The following CSMD1 variants were observed in gnomAD, a reference collection of about 807,000 sequenced individuals.
CSMD1 encodes the protein CUB and Sushi multiple domains 1, also known as CUB and sushi domain-containing protein 1.
In CSMD1, 213 loss-of-function variants were observed where a neutral mutation model predicts 417.5. The observed-to-expected ratio is 0.51, with a 90% CI of 0.46 to 0.57. CSMD1 has a LOEUF of 0.57. Ranked by LOEUF, CSMD1 falls within the 20% of genes least tolerant of loss-of-function variation. The pLI is 0.00. For missense variants in CSMD1, 6,923 were observed against 4,529.7 expected (o/e 1.53, Z -15.17); for synonymous variants, 2,862 against 1,736.8 (o/e 1.65, Z -16.11).
At chr8:3,105,174 T>C (rs1437490618) in intron 46 of CSMD1, among the ~76,000 whole-genome samples, 1 of 152,130 alleles carries the variant, frequency 6.6e-6, no homozygotes, top group East Asian at 1.9e-4. Context: ...TTTACAACAA[T>C]CTCAAAAATA....
chr8:4,002,533 C>T lies in CSMD1; in HGVS notation c.611-4423G>A, dbSNP rs1585113115. 2.0e-5 allele frequency among the ~76,000 whole-genome samples: 3 copies of T among 152,114 alleles called. No individual in the cohort carries two copies. The South Asian group carries it at 6.2e-4, about 32-fold the overall frequency. On this transcript the variant is annotated intron_variant, in intron 4 of 69. Coordinates refer to ENST00000635120, the MANE Select transcript of CSMD1 (RefSeq NM_033225.6). Reference sequence around the variant, plus strand: ...GCCACAGAGGAAACAGTTTTCAAAGCCCATTTCGACTGAGAAAAATTAATT... The same window carrying T: ...GCCACAGAGGAAACAGTTTTCAAAGTCCATTTCGACTGAGAAAAATTAATT...
intron 51 of CSMD1, among the ~76,000 whole-genome samples, chr8:3,020,997 C>T (rs919099602): frequency 2.6e-5 from 4 of 152,160 alleles, no homozygotes; most frequent in African/African-American, 7.2e-5. Context: ...GTGAACTTGT[C>T]CTTCAACTAT....
rs185957420 is a variant in CSMD1 at position 4,194,858 on chromosome 8, T to C, written c.416-162759A>G. Among the ~76,000 whole-genome samples the C allele has an allele frequency of 4.6e-4, 70 of 152,290 alleles. 1 individual carries two copies. The highest frequency in any genetic ancestry group is 1.7e-3 in the African/African-American group (69 of 41,540). ...TTTGTTTCAGGATCTCCCACTGTAT[T>C]ATACCCATTTTCATTGGTCAGCCAC... On this transcript the variant is annotated intron_variant, in intron 3 of 69. Coordinates refer to ENST00000635120, the MANE Select transcript of CSMD1 (RefSeq NM_033225.6).
intron 5 of CSMD1, among the ~76,000 whole-genome samples, chr8:3,757,448 G>C (rs1319435469): frequency 2.0e-5 from 3 of 152,142 alleles, no homozygotes; most frequent in East Asian, 1.9e-4. Flanking sequence ...TCACAAAATA[G>C]TTACTTTTTG....
intron 3 of CSMD1, among the ~76,000 whole-genome samples, chr8:4,160,409 T>G (rs182198356): frequency 2.0e-5 from 3 of 152,278 alleles, no homozygotes; most frequent in African/African-American, 7.2e-5. Context: ...ATACGCAACT[T>G]TAAATTCAAT....
intron 12 of CSMD1, among the ~76,000 whole-genome samples, chr8:3,442,191 T>C (rs1306377942): frequency 6.6e-6 from 1 of 150,686 alleles, no homozygotes. Context: ...AATAAAAAAT[T>C]TTAAAAAATG....
chr8:3,190,052 A>G lies in CSMD1; in HGVS notation c.5258T>C (p.Ile1753Thr). 3 of 1,595,976 alleles carry G rather than the reference A, an allele frequency of 1.9e-6. No individual in the cohort carries two copies. Among genetic ancestry groups the G allele is most frequent in the South Asian group, 1.1e-5 (1 of 87,516 alleles). The change falls in exon 34 of 70, where the codon ATT (isoleucine) becomes ACT (threonine). Residue 1753 changes from isoleucine (I) to threonine (T), a missense_variant. Ile to Thr is a moderately conservative substitution (Grantham distance 89). Coordinates refer to ENST00000635120, the MANE Select transcript of CSMD1 (RefSeq NM_033225.6). ...SVPEPRYGRR[I>T]GSEFSAGSIV... ...GGAGCCGGCAGAAAACTCAGAACCA[A>G]TTCTCCTTCCGTATCTGGGCTCGGG... is the stretch of plus-strand genomic sequence containing the variant.
intron 1 of CSMD1, among the ~76,000 whole-genome samples, chr8:4,708,679 T>C (rs983464375): frequency 3.9e-5 from 6 of 152,152 alleles, no homozygotes; most frequent in African/African-American, 1.4e-4. Context: ...GATTCATTTT[T>C]TTTTTTAAGA....
intron 3 of CSMD1, among the ~76,000 whole-genome samples, chr8:4,321,881 T>A (rs1366173800): frequency 6.6e-6 from 1 of 152,106 alleles, no homozygotes; most frequent in Non-Finnish European, 1.5e-5. Context: ...AAATAATATA[T>A]CATCATTGTG....
intron 3 of CSMD1, among the ~76,000 whole-genome samples, chr8:4,108,992 A>C (rs532401219): frequency 6.6e-6 from 1 of 152,314 alleles, no homozygotes; most frequent in South Asian, 2.1e-4. Context: ...AATTATCTGG[A>C]AAGGATTGGT....
At chr8:4,442,387 C>T (rs1798536911) in intron 2 of CSMD1, among the ~76,000 whole-genome samples, 2 of 152,168 alleles carry the variant, frequency 1.3e-5, no homozygotes, top group Admixed American at 1.3e-4. Context: ...CTACCATTAA[C>T]AAAGCCTACG....
rs192398821 is a variant in CSMD1, at chr8:4,224,654, G to C, written c.416-192555C>G. Among the ~76,000 whole-genome samples the C allele has an allele frequency of 1.2e-3, 177 of 152,318 alleles. 1 individual carries two copies. The highest frequency in any genetic ancestry group is 3.8e-3 in the African/African-American group (159 of 41,572). On this transcript the variant is annotated intron_variant, in intron 3 of 69. Coordinates refer to ENST00000635120, the MANE Select transcript of CSMD1 (RefSeq NM_033225.6). ...TCATCCATAGTGAAGAGGGAGATAA[G>C]TGGATAGAATTCCCCACTGCTCAAT...
At chr8:4,574,705 CTTCTT>C (rs1179208990) in intron 2 of CSMD1, among the ~76,000 whole-genome samples, 2 of 152,192 alleles carry the variant, frequency 1.3e-5, no homozygotes, top group East Asian at 1.9e-4. Context: ...GGAAAACTGT[CTTCTT>C]TTCAAAACTA....
At chr8:3,882,535 T>A (rs1465680307) in intron 5 of CSMD1, among the ~76,000 whole-genome samples, 2 of 152,140 alleles carry the variant, frequency 1.3e-5, no homozygotes, top group Non-Finnish European at 2.9e-5. Flanking sequence ...ACACTGTGAG[T>A]GGACGATCGC....
intron 4 of CSMD1, among the ~76,000 whole-genome samples, chr8:4,023,147 C>G (rs948841536): frequency 1.3e-5 from 2 of 152,250 alleles, no homozygotes; most frequent in African/African-American, 4.8e-5. Flanking sequence ...GGAGGAACTG[C>G]CCATCACAAC....
At chr8:3,037,701 C>G (rs961674709) in intron 50 of CSMD1, among the ~76,000 whole-genome samples, 1 of 152,124 alleles carries the variant, frequency 6.6e-6, no homozygotes, top group Non-Finnish European at 1.5e-5. Context: ...ACCCTTACAG[C>G]TTAACGAAAT....
intron 2 of CSMD1, among the ~76,000 whole-genome samples, chr8:4,610,258 G>T (rs1801098630): frequency 6.6e-6 from 1 of 152,110 alleles, no homozygotes; most frequent in Non-Finnish European, 1.5e-5. Context: ...AGATCAAGTG[G>T]GAAGTTCGTG....
chr8:4,819,616 G>T (rs1418992302), intron 1 of CSMD1, among the ~76,000 whole-genome samples: 2 of 152,080 alleles, frequency 1.3e-5, no homozygotes, highest in Non-Finnish European at 2.9e-5. Context: ...CTCCTTTTAA[G>T]ATTGGAATAT....
At chr8:3,614,789 G>A in intron 8 of CSMD1, among the ~76,000 whole-genome samples, 1 of 152,168 alleles carries the variant, frequency 6.6e-6, no homozygotes, top group East Asian at 1.9e-4. Context: ...AGTCACTGAG[G>A]ATGCAAAGAT....
Sources: gnomAD v4.1 joint callset for allele counts (sites outside exome capture counted in the v4.1 genomes callset) on GRCh38, gnomAD v4.1.1 for gene constraint, MANE v1.5 for transcripts, NCBI Gene and HGNC (gene_info 2026-07-23, HGNC 2026-07-21) for gene names.